PDE4D: variants seen among roughly 807,000 people sequenced by gnomAD.
PDE4D encodes phosphodiesterase 4D.
PDE4D carries 24 observed loss-of-function variants against 87.4 expected under a neutral mutation model. The ratio of observed to expected loss-of-function variants is 0.27; its 90% CI spans 0.20 to 0.39. The LOEUF is 0.39. PDE4D is among the 10% of genes least tolerant of loss of function. The pLI, the probability that PDE4D is intolerant of heterozygous loss-of-function variation, is 1.00. For synonymous variants in PDE4D, 384 were observed against 383.2 expected, an observed-to-expected ratio of 1.00 and a Z score of -0.02; for missense variants, 714 against 1,041.0, an observed-to-expected ratio of 0.69 and a Z score of 4.32.
chr5:59,910,608 T>A (rs954254401), intron 3 of PDE4D, among the ~76,000 whole-genome samples: 1 of 152,210 alleles, frequency 6.6e-6, no homozygotes, highest in Non-Finnish European at 1.5e-5. Flanking sequence ...GTTATAAGCA[T>A]CATTTTGACT....
chr5:60,271,982 C>T (rs564525588), intron 1 of PDE4D, among the ~76,000 whole-genome samples: 1 of 152,218 alleles, frequency 6.6e-6, no homozygotes, highest in East Asian at 1.9e-4. Context: ...AGAGCAATTC[C>T]TTTGTGGCAG....
At chr5:59,515,658 G>A (rs1811030223) in intron 1 of PDE4D, among the ~76,000 whole-genome samples, 1 of 152,166 alleles carries the variant, frequency 6.6e-6, no homozygotes, top group African/African-American at 2.4e-5. Flanking sequence ...GCAAGCATTT[G>A]GAAAATATAA....
chr5:59,923,892 G>T (rs960504879), intron 3 of PDE4D, among the ~76,000 whole-genome samples: 1 of 152,144 alleles, frequency 6.6e-6, no homozygotes, highest in African/African-American at 2.4e-5. Context: ...ATTAAATAAG[G>T]CTCCAGTGAC....
intron 1 of PDE4D, among the ~76,000 whole-genome samples, chr5:59,743,981 T>C (rs781093995): frequency 3.3e-5 from 5 of 152,100 alleles, no homozygotes; most frequent in Non-Finnish European, 7.4e-5. Context: ...AGATCGATAA[T>C]AGATCCATAG....
intron 5 of PDE4D, among the ~76,000 whole-genome samples, chr5:59,085,646 C>T (rs776058979): frequency 2.6e-5 from 4 of 152,220 alleles, no homozygotes; most frequent in South Asian, 2.1e-4. Context: ...GTCCCAGGCA[C>T]GGCAAAATGT....
At chr5:59,811,747 C>G (rs1216935430) in intron 1 of PDE4D, among the ~76,000 whole-genome samples, 1 of 152,230 alleles carries the variant, frequency 6.6e-6, no homozygotes, top group African/African-American at 2.4e-5. Flanking sequence ...GGAGCTGCCA[C>G]TATCTAGGCA....
At chr5:59,994,953 C>T (rs1384873163) in intron 2 of PDE4D, among the ~76,000 whole-genome samples, 3 of 152,088 alleles carry the variant, frequency 2.0e-5, no homozygotes, top group African/African-American at 4.8e-5. Flanking sequence ...GAATTAGGCA[C>T]CTCCTTTTGC....
chr5:59,853,691 C>A (rs1452380735), intron 1 of PDE4D, among the ~76,000 whole-genome samples: 1 of 151,882 alleles, frequency 6.6e-6, no homozygotes, highest in Non-Finnish European at 1.5e-5. Context: ...AGGGCAGAAA[C>A]AGGCAAAAAT....
intron 1 of PDE4D, among the ~76,000 whole-genome samples, chr5:59,282,643 C>CAAAA (rs60262509): frequency 1.3e-3 from 52 of 38,856 alleles, no homozygotes; most frequent in Non-Finnish European, 1.5e-3. Flanking sequence ...AACTCCAGCT[C>CAAAA]AAAAAAAAAA....
chr5:59,823,300 G>A (rs1769923883), intron 1 of PDE4D, among the ~76,000 whole-genome samples: 1 of 152,124 alleles, frequency 6.6e-6, no homozygotes, highest in African/African-American at 2.4e-5. Context: ...GGCCAATAAA[G>A]CAATTTCCCC....
intron 2 of PDE4D, among the ~76,000 whole-genome samples, chr5:60,081,272 CTCT>C (rs912495888): frequency 1.3e-5 from 2 of 149,808 alleles, no homozygotes; most frequent in Admixed American, 6.6e-5. Context: ...ATTCTTCTCT[CTCT>C]TCTTCTTTAT....
chr5:59,255,067 C>T (rs970547857), intron 1 of PDE4D, among the ~76,000 whole-genome samples: 3 of 151,874 alleles, frequency 2.0e-5, no homozygotes, highest in African/African-American at 7.3e-5. Flanking sequence ...AGGAATATAC[C>T]CAGAAGAAAG....
chr5:60,087,416 G>A (rs554640272), intron 2 of PDE4D, among the ~76,000 whole-genome samples: 1 of 152,208 alleles, frequency 6.6e-6, no homozygotes, highest in Non-Finnish European at 1.5e-5. Context: ...AGACACAGAA[G>A]AATGCAACAT....
chr5:59,529,755 AG>A (rs1281854803), intron 1 of PDE4D, among the ~76,000 whole-genome samples: 10 of 152,256 alleles, frequency 6.6e-5, no homozygotes, highest in African/African-American at 1.9e-4. Flanking sequence ...AATTCTCAAA[AG>A]CATAACACTG....
At chr5:59,922,348 T>G (rs1754767202) in intron 3 of PDE4D, among the ~76,000 whole-genome samples, 1 of 152,024 alleles carries the variant, frequency 6.6e-6, no homozygotes, top group Non-Finnish European at 1.5e-5. Flanking sequence ...GGGGGACATG[T>G]GACCTAGTGA....
At chr5:59,153,228 T>C (rs1779702042) in intron 5 of PDE4D, among the ~76,000 whole-genome samples, 1 of 152,060 alleles carries the variant, frequency 6.6e-6, no homozygotes, top group South Asian at 2.1e-4. Flanking sequence ...GACTCTCCAG[T>C]AGCAGCGGGT....
chr5:59,481,817 A>G (rs1389234180), intron 1 of PDE4D, among the ~76,000 whole-genome samples: 1 of 152,110 alleles, frequency 6.6e-6, no homozygotes, highest in Non-Finnish European at 1.5e-5. Flanking sequence ...TATTGAAAAA[A>G]AAATTAAAAA....
intron 1 of PDE4D, among the ~76,000 whole-genome samples, chr5:59,477,369 A>AT (rs1194056090): frequency 4.2e-4 from 58 of 138,594 alleles, no homozygotes; most frequent in Admixed American, 7.2e-4. Flanking sequence ...AAAAAAAAAA[A>AT]AAAAATTAAA....
chr5:59,155,498 G>A (rs1466997692), intron 5 of PDE4D, among the ~76,000 whole-genome samples: 1 of 152,198 alleles, frequency 6.6e-6, no homozygotes, highest in Admixed American at 6.5e-5. Flanking sequence ...TCGTACTACA[G>A]TGGACTGCAG....
Sources: allele counts gnomAD v4.1 joint callset (sites outside exome capture counted in the v4.1 genomes callset), GRCh38; gene constraint gnomAD v4.1.1; transcripts MANE v1.5; gene names NCBI Gene and HGNC (gene_info 2026-07-23, HGNC 2026-07-21).